FCHSD2: variants seen among roughly 807,000 people sequenced by gnomAD.
FCHSD2 encodes the protein FCH and double SH3 domains 2.
In FCHSD2, 38 loss-of-function variants were observed where a neutral mutation model predicts 108.1. The ratio of observed to expected loss-of-function variants is 0.35; its 90% CI spans 0.27 to 0.46. FCHSD2 has a LOEUF of 0.46. Ranked by LOEUF, FCHSD2 falls within the 20% of genes least tolerant of loss-of-function variation. The pLI, the probability that FCHSD2 is intolerant of heterozygous loss-of-function variation, is 1.00. For synonymous variants in FCHSD2, 279 were observed against 314.7 expected (o/e 0.89, Z 1.20); for missense variants, 751 against 897.8 (o/e 0.84, Z 2.09).
At chr11:73,101,169 C>A (rs1308246985) in intron 2 of FCHSD2, among the ~76,000 whole-genome samples, 1 of 152,058 alleles carries the variant, frequency 6.6e-6, no homozygotes, top group Non-Finnish European at 1.5e-5. Flanking sequence ...TTAGTTCCGA[C>A]CTGAAGGAGA....
intron 8 of FCHSD2, among the ~76,000 whole-genome samples, chr11:72,955,558 T>G (rs756535406): frequency 6.6e-6 from 1 of 152,178 alleles, no homozygotes; most frequent in African/African-American, 2.4e-5. Context: ...GTTCCAACCC[T>G]TTAATCATGT....
chr11:73,020,486 T>A (rs1324896594), intron 3 of FCHSD2, among the ~76,000 whole-genome samples: 1 of 152,244 alleles, frequency 6.6e-6, no homozygotes, highest in East Asian at 1.9e-4. Context: ...ATGCAAGTGA[T>A]CTTTTAACAA....
chr11:72,942,316 C>G (rs544978013), intron 8 of FCHSD2, among the ~76,000 whole-genome samples: 118 of 152,340 alleles, frequency 7.7e-4, no homozygotes, highest in African/African-American at 2.6e-3. Context: ...TCACCAGAAG[C>G]AGATGCCAGC....
chr11:73,094,642 T>C (rs1422497034), intron 2 of FCHSD2, among the ~76,000 whole-genome samples: 2 of 152,204 alleles, frequency 1.3e-5, no homozygotes, highest in Non-Finnish European at 2.9e-5. Flanking sequence ...ATTTTATAAA[T>C]GACACTGCTT....
At chr11:73,095,968 A>G (rs1215056703) in intron 2 of FCHSD2, among the ~76,000 whole-genome samples, 3 of 152,150 alleles carry the variant, frequency 2.0e-5, no homozygotes, top group African/African-American at 7.2e-5. Context: ...TGTAAATTTG[A>G]AAGACACAAC....
At chr11:72,965,929 T>C (rs1856898084) in intron 8 of FCHSD2, among the ~76,000 whole-genome samples, 1 of 152,210 alleles carries the variant, frequency 6.6e-6, no homozygotes, top group Non-Finnish European at 1.5e-5. Flanking sequence ...TACAGTTCTA[T>C]GTATCAATAT....
At chr11:73,035,758 G>A (rs879413442) in intron 3 of FCHSD2, among the ~76,000 whole-genome samples, 2 of 150,884 alleles carry the variant, frequency 1.3e-5, no homozygotes, top group Non-Finnish European at 2.9e-5. Flanking sequence ...GTCTCGCTCT[G>A]TCACCAGGCT....
At chr11:72,843,023 A>G (rs541169568) in intron 16 of FCHSD2, 128 bp downstream of exon 16, 1 of 978,022 alleles carries the variant, frequency 1.0e-6, no homozygotes, top group African/African-American at 1.6e-5. Flanking sequence ...AAACGTGACC[A>G]TATAAAGAAA....
chr11:72,976,355 G>A lies in FCHSD2; in HGVS notation c.705+7733C>T, dbSNP rs536534070. 2.4e-4 allele frequency among the ~76,000 whole-genome samples: 37 copies of A among 152,166 alleles called. 1 individual carries two copies. The South Asian group carries it at 7.5e-3, about 31-fold the overall frequency. On this transcript the variant is annotated intron_variant, in intron 8 of 19. Coordinates refer to ENST00000409418, the MANE Select transcript of FCHSD2 (RefSeq NM_014824.3). ...CACCCAGGCTGGAGTGCTGTGGCAG[G>A]ATCATAGCTCACTGTAGCCTTCAAT...
chr11:73,048,268 C>A (rs1461159645), intron 3 of FCHSD2, among the ~76,000 whole-genome samples: 1 of 152,102 alleles, frequency 6.6e-6, no homozygotes, highest in Non-Finnish European at 1.5e-5. Context: ...CAGCTCATGC[C>A]ATGTACCGAC....
chr11:73,041,005 T>C (rs1015156225), intron 3 of FCHSD2, among the ~76,000 whole-genome samples: 9 of 152,222 alleles, frequency 5.9e-5, no homozygotes, highest in African/African-American at 2.2e-4. Flanking sequence ...CCTGGCTTAT[T>C]TCGCTTAACA....
At chr11:73,086,566 G>C (rs1859822036) in intron 2 of FCHSD2, among the ~76,000 whole-genome samples, 1 of 152,018 alleles carries the variant, frequency 6.6e-6, no homozygotes, top group African/African-American at 2.4e-5. Context: ...AAAGACAGTA[G>C]AAAAATAACA....
intron 8 of FCHSD2, among the ~76,000 whole-genome samples, chr11:72,980,825 C>T (rs1355673355): frequency 6.6e-6 from 1 of 151,870 alleles, no homozygotes; most frequent in Non-Finnish European, 1.5e-5. Flanking sequence ...AGTAGTATGT[C>T]TTACTCATCT....
intron 8 of FCHSD2, among the ~76,000 whole-genome samples, chr11:72,940,294 G>A (rs1357767264): frequency 1.3e-5 from 2 of 152,080 alleles, no homozygotes; most frequent in South Asian, 2.1e-4. Flanking sequence ...CAATACTGAA[G>A]GGCCTTTTAC....
Position 73,132,110 on chromosome 11 carries a change from A to G in FCHSD2, c.119+7921T>C, listed in dbSNP as rs1037171245. ...CCCATCCCGCAAGTTCTATGCATGA[A>G]GAGGCAATGACAACTGCATCACAGC... On this transcript the variant is annotated intron_variant, in intron 2 of 19. Transcript: ENST00000409418. 5.3e-5 allele frequency among the ~76,000 whole-genome samples: 8 copies of G among 152,342 alleles called. No individual in the cohort carries two copies. In the South Asian group the frequency reaches 1.0e-3, roughly 20 times the overall value.
At chr11:72,947,396 A>C (rs974055106) in intron 8 of FCHSD2, among the ~76,000 whole-genome samples, 1 of 152,196 alleles carries the variant, frequency 6.6e-6, no homozygotes, top group African/African-American at 2.4e-5. Flanking sequence ...ATGCTCTCCC[A>C]TGTAGTGTCC....
intron 2 of FCHSD2, among the ~76,000 whole-genome samples, chr11:73,118,211 T>G (rs935487493): frequency 6.6e-6 from 1 of 151,858 alleles, no homozygotes; most frequent in Non-Finnish European, 1.5e-5. Context: ...CCCAGCAACT[T>G]GGGAGGCTGA....
At chr11:72,849,101 A>G (rs1488105678) in intron 14 of FCHSD2, among the ~76,000 whole-genome samples, 2 of 152,204 alleles carry the variant, frequency 1.3e-5, no homozygotes, top group Non-Finnish European at 2.9e-5. Context: ...AATCTGGTGC[A>G]TGACAGGTGG....
chr11:72,911,613 A>G (rs1399094794), intron 9 of FCHSD2, among the ~76,000 whole-genome samples: 1 of 152,194 alleles, frequency 6.6e-6, no homozygotes, highest in Non-Finnish European at 1.5e-5. Flanking sequence ...CTCCCAATCC[A>G]TCAACATGGA....
Sources: gnomAD v4.1 joint callset for allele counts (sites outside exome capture counted in the v4.1 genomes callset) on GRCh38, gnomAD v4.1.1 for gene constraint, MANE v1.5 for transcripts, NCBI Gene and HGNC (gene_info 2026-07-23, HGNC 2026-07-21) for gene names.